Variants in CCSER1 observed in about 807,000 individuals in gnomAD.
CCSER1 encodes serine-rich coiled-coil domain-containing protein 1.
In CCSER1, 41 loss-of-function variants were observed where a neutral mutation model predicts 82.0. The observed-to-expected ratio is 0.50, with a 90% CI of 0.39 to 0.65. CCSER1 has a LOEUF of 0.65. Ranked by LOEUF, CCSER1 falls within the 30% of genes least tolerant of loss-of-function variation. The pLI is 0.00. For missense variants in CCSER1, 1,119 were observed against 1,064.2 expected (o/e 1.05, Z -0.72); for synonymous variants, 414 against 383.9 (o/e 1.08, Z -0.92).
chr4:90,760,573 G>A (rs1042562892), intron 7 of CCSER1, among the ~76,000 whole-genome samples: 2 of 152,000 alleles, frequency 1.3e-5, no homozygotes, highest in Non-Finnish European at 2.9e-5. Flanking sequence ...ATTAGTTTAT[G>A]ATAATAATAC....
chr4:90,478,522 G>C (rs187802795), intron 5 of CCSER1, among the ~76,000 whole-genome samples: 1 of 151,966 alleles, frequency 6.6e-6, no homozygotes, highest in African/African-American at 2.4e-5. Context: ...ATAATAAATT[G>C]GTTTATTCAG....
intron 10 of CCSER1, among the ~76,000 whole-genome samples, chr4:91,350,417 AAT>A (rs1748394800): frequency 6.6e-6 from 1 of 152,152 alleles, no homozygotes; most frequent in African/African-American, 2.4e-5. Context: ...TGTTATTAAA[AAT>A]AGTTTGAAGA....
chr4:91,204,994 TATTATTAACTC>T (rs1658311304), intron 10 of CCSER1, among the ~76,000 whole-genome samples: 1 of 151,744 alleles, frequency 6.6e-6, no homozygotes, highest in Non-Finnish European at 1.5e-5. Context: ...CTTACTCTAT[TATTATTAACTC>T]ATTAAATTTT....
intron 10 of CCSER1, among the ~76,000 whole-genome samples, chr4:91,535,667 TG>T (rs1761262272): frequency 6.6e-6 from 1 of 151,742 alleles, no homozygotes; most frequent in South Asian, 2.1e-4. Flanking sequence ...TAAACAGAAA[TG>T]TGGAAACAAA....
chr4:91,558,257 TC>T (rs143397610), intron 10 of CCSER1, among the ~76,000 whole-genome samples: 9,994 of 151,588 alleles, frequency 0.066, 354 homozygotes, highest in Middle Eastern at 0.097. Context: ...TATTATTGGT[TC>T]CCATGTTATT....
chr4:91,170,142 C>T (rs571931498), intron 10 of CCSER1, among the ~76,000 whole-genome samples: 63 of 152,254 alleles, frequency 4.1e-4, no homozygotes, highest in African/African-American at 1.4e-3. Flanking sequence ...GATCTGACAT[C>T]TTAAGTCATT....
chr4:91,453,478 C>A (rs2149422147), intron 10 of CCSER1, among the ~76,000 whole-genome samples: 1 of 152,046 alleles, frequency 6.6e-6, no homozygotes, highest in African/African-American at 2.4e-5. Context: ...TTTACTTTTT[C>A]CAGAGCACTT....
intron 10 of CCSER1, among the ~76,000 whole-genome samples, chr4:91,437,922 AG>A (rs1214111508): frequency 6.6e-6 from 1 of 152,126 alleles, no homozygotes; most frequent in Non-Finnish European, 1.5e-5. Context: ...GCAGCGAGGC[AG>A]GGGGAGGGGC....
At chr4:90,490,950 T>A (rs1654263233) in intron 5 of CCSER1, among the ~76,000 whole-genome samples, 1 of 152,128 alleles carries the variant, frequency 6.6e-6, no homozygotes, top group South Asian at 2.1e-4. Flanking sequence ...TGAAGTGAGG[T>A]AGCATAATGC....
At chr4:90,594,559 G>T (rs10008997) in intron 5 of CCSER1, among the ~76,000 whole-genome samples, 77,383 of 151,850 alleles carry the variant, frequency 0.51, 23,916 homozygotes, top group African/African-American at 0.86. Flanking sequence ...GGGAAGCAGT[G>T]ATTTTGGATG....
At chr4:91,569,000 G>A (rs1218960179) in intron 10 of CCSER1, among the ~76,000 whole-genome samples, 6 of 152,106 alleles carry the variant, frequency 3.9e-5, no homozygotes, top group Non-Finnish European at 8.8e-5. Context: ...AGTGTGGATT[G>A]AGTGGAATCA....
chr4:90,428,689 T>C (rs1443941866), intron 4 of CCSER1, among the ~76,000 whole-genome samples: 1 of 151,870 alleles, frequency 6.6e-6, no homozygotes, highest in African/African-American at 2.4e-5. Context: ...TCTTGCTGTC[T>C]TATTGGGTGC....
intron 6 of CCSER1, among the ~76,000 whole-genome samples, chr4:90,646,513 A>G (rs1040112): frequency 0.54 from 82,280 of 151,914 alleles, 22,718 homozygotes; most frequent in Admixed American, 0.61. Flanking sequence ...GTTAAATTTG[A>G]CCTCATTGAA....
chr4:91,161,207 G>A (rs150331051), intron 10 of CCSER1, among the ~76,000 whole-genome samples: 1 of 152,008 alleles, frequency 6.6e-6, no homozygotes, highest in East Asian at 1.9e-4. Context: ...AAAATCAGAT[G>A]GTACTAGATG....
chr4:91,565,678 C>T (rs569770003), intron 10 of CCSER1, among the ~76,000 whole-genome samples: 1 of 151,940 alleles, frequency 6.6e-6, no homozygotes, highest in Admixed American at 6.6e-5. Context: ...ATGGGATTGC[C>T]TTTCTGATAT....
chr4:90,883,895 G>A (rs1721719403), intron 8 of CCSER1, among the ~76,000 whole-genome samples: 1 of 152,092 alleles, frequency 6.6e-6, no homozygotes, highest in East Asian at 1.9e-4. Flanking sequence ...AAAGGGAAAT[G>A]CATTTAGAAA....
chr4:90,905,361 C>T (rs769251225), intron 8 of CCSER1, among the ~76,000 whole-genome samples: 6,888 of 61,556 alleles, frequency 0.11, 200 homozygotes, highest in Non-Finnish European at 0.18. Flanking sequence ...AGTCACACCA[C>T]ACACACACAC....
chr4:91,556,109 ATGT>A (rs1365639237), intron 10 of CCSER1, among the ~76,000 whole-genome samples: 2 of 151,326 alleles, frequency 1.3e-5, no homozygotes, highest in South Asian at 2.1e-4. Context: ...ATTGAGGAAA[ATGT>A]TGTATTTGTA....
chr4:90,148,818 A>C (rs1212631133), intron 1 of CCSER1, among the ~76,000 whole-genome samples: 2 of 152,148 alleles, frequency 1.3e-5, no homozygotes, highest in Non-Finnish European at 2.9e-5. Flanking sequence ...TGGAGCTATC[A>C]AGCTGAACCT....
Sources: gnomAD v4.1 joint callset for allele counts (sites outside exome capture counted in the v4.1 genomes callset) on GRCh38, gnomAD v4.1.1 for gene constraint, MANE v1.5 for transcripts, NCBI Gene and HGNC (gene_info 2026-07-23, HGNC 2026-07-21) for gene names.